Variants in CCDC93 observed in about 807,000 individuals in gnomAD.
CCDC93 encodes coiled-coil domain-containing protein 93.
Under a neutral mutation model 108.2 loss-of-function variants are expected in CCDC93, and 61 were observed. That is an observed-to-expected ratio of 0.56 (90% CI 0.46 to 0.70). The LOEUF is 0.70. CCDC93 is among the 30% of genes least tolerant of loss of function. The probability of loss-of-function intolerance (pLI) is 0.00; values close to 1 mark genes in which losing one functional copy is unlikely to be tolerated. For synonymous variants in CCDC93, 276 were observed against 260.4 expected, an observed-to-expected ratio of 1.06 and a Z score of -0.58; for missense variants, 685 against 764.2, an observed-to-expected ratio of 0.90 and a Z score of 1.22.
At chr2:117,984,596 C>A (rs1680256197) in intron 7 of CCDC93, among the ~76,000 whole-genome samples, 1 of 152,200 alleles carries the variant, frequency 6.6e-6, no homozygotes, top group Non-Finnish European at 1.5e-5. Flanking sequence ...GGGCAATTTA[C>A]TGAATTTCTA....
At chr2:117,957,256 G>A (rs1160894103) in intron 12 of CCDC93, among the ~76,000 whole-genome samples, 1 of 152,172 alleles carries the variant, frequency 6.6e-6, no homozygotes, top group Non-Finnish European at 1.5e-5. Flanking sequence ...TAATGCAACT[G>A]AAGCATATAA....
intron 22 of CCDC93, chr2:117,933,956 T>C (rs912064171): frequency 3.3e-5 from 5 of 152,034 alleles, no homozygotes; most frequent in Admixed American, 6.6e-5. Context: ...CTGGGTGCCA[T>C]TGACCCATTT....
intron 1 of CCDC93, chr2:118,012,363 C>T (rs1162990184): frequency 6.6e-6 from 1 of 152,152 alleles, no homozygotes; most frequent in Non-Finnish European, 1.5e-5. Context: ...TTACTAGCTT[C>T]TGAACTAAAT....
At chr2:117,945,625 G>C in intron 16 of CCDC93, 43 bp from the exon 17 acceptor site, 2 of 1,556,564 alleles carry the variant, frequency 1.3e-6, no homozygotes, top group Non-Finnish European at 1.8e-6. Flanking sequence ...CTGAGCATTC[G>C]GGAATAAGAC....
intron 1 of CCDC93, chr2:118,012,834 A>T (rs1228144298): frequency 6.6e-6 from 1 of 152,240 alleles, no homozygotes; most frequent in Non-Finnish European, 1.5e-5. Flanking sequence ...ATATATTCCC[A>T]GCTTCTGGAC....
At chr2:117,942,201 TTTCAGGAGTCTTAAGATACAACTC>T (rs1356599515) in intron 18 of CCDC93, among the ~76,000 whole-genome samples, 1 of 152,170 alleles carries the variant, frequency 6.6e-6, no homozygotes, top group Admixed American at 6.5e-5. Context: ...CCTGGTTTTC[TTTCAGGAGTCTTAAGATACAACTC>T]TTCAGTCTTT....
At chr2:117,977,281 T>C (rs916690611) in intron 8 of CCDC93, among the ~76,000 whole-genome samples, 5 of 152,188 alleles carry the variant, frequency 3.3e-5, no homozygotes, top group African/African-American at 7.2e-5. Flanking sequence ...TTCAGATTCT[T>C]ATTAAGTTCA....
intron 22 of CCDC93, among the ~76,000 whole-genome samples, chr2:117,933,257 A>G (rs1200571654): frequency 2.0e-5 from 3 of 152,232 alleles, no homozygotes; most frequent in African/African-American, 4.8e-5. Flanking sequence ...TAGCTGCTCA[A>G]TAAAGACCAT....
At chr2:117,933,586 G>A (rs1020390225) in intron 22 of CCDC93, among the ~76,000 whole-genome samples, 6 of 152,072 alleles carry the variant, frequency 3.9e-5, no homozygotes, top group Admixed American at 1.3e-4. Flanking sequence ...GTTACCCAGC[G>A]CTGGTCTACT....
At chr2:118,012,821 T>C (rs1677055391) in intron 1 of CCDC93, 1 of 152,188 alleles carries the variant, frequency 6.6e-6, no homozygotes, top group Non-Finnish European at 1.5e-5. Flanking sequence ...CCTTTCAGAC[T>C]ATATATATTC....
At chr2:117,950,559 G>A (rs1679019004) in intron 13 of CCDC93, 1 of 985,224 alleles carries the variant, frequency 1.0e-6, no homozygotes, top group South Asian at 4.7e-5. Context: ...CTGCTTTTCA[G>A]TGCCACTAGG....
intron 13 of CCDC93, 88 bp from the exon 14 acceptor site, chr2:117,949,483 A>G: frequency 3.1e-6 from 3 of 955,072 alleles, no homozygotes; most frequent in Non-Finnish European, 3.3e-6. Context: ...AGATAATGAC[A>G]CTTTTTAAAG....
chr2:117,974,088 T>A, intron 10 of CCDC93, 94 bp from the exon 11 acceptor site: 1 of 819,366 alleles, frequency 1.2e-6, no homozygotes, highest in Non-Finnish European at 2.1e-6. Flanking sequence ...AACACTCTAT[T>A]ATGGTAAAAC....
At chr2:118,000,605 G>T (rs1680814606) in intron 4 of CCDC93, 2 of 483,870 alleles carry the variant, frequency 4.1e-6, no homozygotes, top group Non-Finnish European at 7.4e-6. Flanking sequence ...AACATTCAAA[G>T]ATCTTATCAG....
At chr2:117,935,651 G>C (rs1183839395) in intron 21 of CCDC93, 72 bp from the exon 22 acceptor site, 1 of 1,114,188 alleles carries the variant, frequency 9.0e-7, no homozygotes, top group African/African-American at 1.5e-5. Context: ...CAAGCAGTCA[G>C]CTCTGTATCC....
Position 118,003,912 on chromosome 2 carries a change from G to T in CCDC93, c.251+2810C>A, listed in dbSNP as rs190194711. On this transcript the variant is annotated intron_variant, in intron 3 of 23. Transcript: ENST00000376300. ...CAGCTTCTACCTGCGGCTCTAGGTGGATCCTTCAGATTTCCTAAAAATCAC... is the reference window on the plus strand; with the variant it reads ...CAGCTTCTACCTGCGGCTCTAGGTGTATCCTTCAGATTTCCTAAAAATCAC... Among the ~76,000 whole-genome samples the T allele has an allele frequency of 3.3e-4, 51 of 152,292 alleles. No individual in the cohort carries two copies. The East Asian group carries it at 9.1e-3, about 27-fold the overall frequency.
chr2:117,966,211 A>C (rs998326886), intron 11 of CCDC93, among the ~76,000 whole-genome samples: 20 of 152,332 alleles, frequency 1.3e-4, no homozygotes, highest in African/African-American at 3.4e-4. Context: ...AGGGGCTGCC[A>C]GTCACACCCA....
chr2:117,957,201 C>T (rs898884593), intron 12 of CCDC93, among the ~76,000 whole-genome samples: 11 of 152,238 alleles, frequency 7.2e-5, no homozygotes, highest in African/African-American at 2.6e-4. Flanking sequence ...CATATTCATT[C>T]TCTTAATCTT....
chr2:117,996,395 A>G, intron 4 of CCDC93, 33 bp from the exon 5 acceptor site: 1 of 1,483,432 alleles, frequency 6.7e-7, no homozygotes, highest in Non-Finnish European at 9.4e-7. Flanking sequence ...AAGAGTTGCT[A>G]AGGACAACAT....
Sources: gnomAD v4.1 joint callset for allele counts (sites outside exome capture counted in the v4.1 genomes callset) on GRCh38, gnomAD v4.1.1 for gene constraint, MANE v1.5 for transcripts, NCBI Gene and HGNC (gene_info 2026-07-23, HGNC 2026-07-21) for gene names.